Variants in JAM2 observed in about 807,000 individuals in gnomAD.
The protein encoded by JAM2 is junctional adhesion molecule B.
A neutral mutation model predicts 42.0 loss-of-function variants in JAM2; 17 were observed. The observed-to-expected ratio is 0.40, with a 90% confidence interval of 0.28 to 0.61. JAM2 has a LOEUF of 0.61. Ranked by LOEUF, JAM2 falls within the 20% of genes least tolerant of loss-of-function variation. The pLI, the probability that JAM2 is intolerant of heterozygous loss-of-function variation, is 0.37. For missense variants in JAM2, 319 were observed against 358.3 expected, an observed-to-expected ratio of 0.89 and a Z score of 0.89; for synonymous variants, 118 against 128.6, an observed-to-expected ratio of 0.92 and a Z score of 0.56.
At chr21:25,669,827 TC>T (rs1397908629) in intron 1 of JAM2, among the ~76,000 whole-genome samples, 2 of 152,232 alleles carry the variant, frequency 1.3e-5, no homozygotes, top group African/African-American at 4.8e-5. Flanking sequence ...ACTACTCTTT[TC>T]TTACCTTGCT....
chr21:25,706,102 C>G lies in JAM2; in HGVS notation c.805+16C>G, dbSNP rs764122918. ...TACTTTTCAAGTAAGTGAATTTCACCCTTCTTTGGCAGATAACTTTCTATG... is the reference window on the plus strand; with the variant it reads ...TACTTTTCAAGTAAGTGAATTTCACGCTTCTTTGGCAGATAACTTTCTATG... On this transcript the variant is annotated intron_variant, in intron 7 of 9. Coordinates refer to ENST00000480456, the MANE Select transcript of JAM2 (RefSeq NM_021219.4). 1 of 1,461,360 alleles carries G rather than the reference C, an allele frequency of 6.8e-7. No homozygotes were observed. The highest frequency in any genetic ancestry group is 1.7e-5 in the Admixed American group (1 of 59,812). The allele number at this position is 1,461,360 out of a possible 1,614,324, so 90.5% of individuals were successfully genotyped here.
At chr21:25,712,413 G>A (rs2034402720) in intron 9 of JAM2, 31 bp downstream of exon 9, 2 of 1,463,718 alleles carry the variant, frequency 1.4e-6, no homozygotes, top group Admixed American at 3.4e-5. Context: ...TTTATAGAAT[G>A]AATATGTTTG....
chr21:25,648,405 G>C (rs1468984564), intron 1 of JAM2, among the ~76,000 whole-genome samples: 1 of 151,904 alleles, frequency 6.6e-6, no homozygotes, highest in East Asian at 1.9e-4. Flanking sequence ...TGTCCATATA[G>C]TGCTTTTGGA....
chr21:25,696,608 T>C (rs894394893), intron 4 of JAM2, among the ~76,000 whole-genome samples: 5 of 152,172 alleles, frequency 3.3e-5, no homozygotes, highest in Non-Finnish European at 5.9e-5. Flanking sequence ...GAAGACTGGG[T>C]ATCTGCCCAA....
intron 4 of JAM2, among the ~76,000 whole-genome samples, chr21:25,695,093 G>A (rs1325362100): frequency 1.1e-4 from 17 of 152,010 alleles, no homozygotes; most frequent in African/African-American, 3.4e-4. Context: ...AAGTGAACAA[G>A]GGTCTTTGGT....
chr21:25,682,313 G>A (rs562712533), intron 1 of JAM2, among the ~76,000 whole-genome samples: 4 of 152,276 alleles, frequency 2.6e-5, no homozygotes, highest in South Asian at 4.1e-4. Context: ...GATCAAAGAC[G>A]GAATTAGAAA....
chr21:25,700,850 G>A (rs1034196348), intron 5 of JAM2, among the ~76,000 whole-genome samples: 3 of 152,212 alleles, frequency 2.0e-5, no homozygotes, highest in Non-Finnish European at 2.9e-5. Flanking sequence ...GCAGTCAGCA[G>A]GTCTGAGTGA....
chr21:25,664,565 T>C (rs1444165265), intron 1 of JAM2, among the ~76,000 whole-genome samples: 1 of 152,254 alleles, frequency 6.6e-6, no homozygotes, highest in Non-Finnish European at 1.5e-5. Context: ...AAACCTTACT[T>C]GACCTTTCTA....
rs540115953 is a variant in JAM2 at position 25,660,623 on chromosome 21, A to G, written c.67+20735A>G. Among the ~76,000 whole-genome samples, 3 of 151,652 alleles carry G rather than the reference A, an allele frequency of 2.0e-5. No homozygotes were observed. In the East Asian group the frequency reaches 5.8e-4, roughly 29 times the overall value. ...CTCTCCAAAGTCCTGCTGCATGTTC[A>G]TATAAGTGAAAACTTCATAATTATC... On this transcript the variant is annotated intron_variant, in intron 1 of 9. Transcript: ENST00000480456.
At chr21:25,703,904 C>T (rs2034219130) in intron 6 of JAM2, among the ~76,000 whole-genome samples, 2 of 152,076 alleles carry the variant, frequency 1.3e-5, no homozygotes, top group African/African-American at 2.4e-5. Flanking sequence ...TACTCCTTAT[C>T]TATTACTCTT....
intron 2 of JAM2, among the ~76,000 whole-genome samples, chr21:25,686,653 C>T (rs997459946): frequency 5.2e-4 from 79 of 152,184 alleles, no homozygotes; most frequent in Non-Finnish European, 8.7e-4. Context: ...GAGTCTAAAC[C>T]TGAAAGCTAT....
chr21:25,686,561 G>A (rs1475968740), intron 2 of JAM2, among the ~76,000 whole-genome samples: 1 of 152,246 alleles, frequency 6.6e-6, no homozygotes, highest in Non-Finnish European at 1.5e-5. Flanking sequence ...CACTTCCCAT[G>A]ATAGTGCCAA....
chr21:25,644,081 G>A (rs1258329326), intron 1 of JAM2: 1 of 152,232 alleles, frequency 6.6e-6, no homozygotes, highest in Non-Finnish European at 1.5e-5. Context: ...CTGATGTTTT[G>A]AGGAAGATGG....
At chr21:25,654,895 AAAAACAAAG>A (rs1181223302) in intron 1 of JAM2, among the ~76,000 whole-genome samples, 1 of 152,194 alleles carries the variant, frequency 6.6e-6, no homozygotes, top group Non-Finnish European at 1.5e-5. Context: ...CATGAAAGGT[AAAAACAAAG>A]GGGGAGAGAG....
chr21:25,661,115 T>C (rs1169852840), intron 1 of JAM2, among the ~76,000 whole-genome samples: 4 of 152,034 alleles, frequency 2.6e-5, no homozygotes, highest in Non-Finnish European at 4.4e-5. Context: ...TATATTCCTG[T>C]ACTATTTGGA....
At chr21:25,703,263 A>T (rs1220725570) in intron 6 of JAM2, among the ~76,000 whole-genome samples, 3 of 152,208 alleles carry the variant, frequency 2.0e-5, no homozygotes, top group Non-Finnish European at 4.4e-5. Flanking sequence ...CCTTCTCTTA[A>T]GGAATCATAT....
intron 1 of JAM2, among the ~76,000 whole-genome samples, chr21:25,651,808 G>A (rs1238388082): frequency 6.6e-6 from 1 of 152,164 alleles, no homozygotes; most frequent in African/African-American, 2.4e-5. Flanking sequence ...AGGAATGATG[G>A]TGATCTCTCT....
chr21:25,658,670 AG>A (rs999981100), intron 1 of JAM2, among the ~76,000 whole-genome samples: 11 of 152,204 alleles, frequency 7.2e-5, no homozygotes, highest in African/African-American at 2.7e-4. Flanking sequence ...GGAAAAGATC[AG>A]GGTGAATTGT....
chr21:25,706,847 C>T (rs2034282166), intron 7 of JAM2, among the ~76,000 whole-genome samples: 1 of 152,180 alleles, frequency 6.6e-6, no homozygotes, highest in Non-Finnish European at 1.5e-5. Context: ...TCACACCATT[C>T]TCCTGCCTCA....
Sources: allele counts gnomAD v4.1 joint callset (sites outside exome capture counted in the v4.1 genomes callset), GRCh38; gene constraint gnomAD v4.1.1; transcripts MANE v1.5; gene names NCBI Gene and HGNC (gene_info 2026-07-23, HGNC 2026-07-21).